The following OMA1 variants were observed in gnomAD, a reference collection of about 807,000 sequenced individuals.
OMA1 encodes the protein OMA1 zinc metallopeptidase.
In OMA1, 38 loss-of-function variants were observed where a neutral mutation model predicts 30.9. The observed-to-expected ratio is 1.23, with a 90% CI of 0.95 to 1.61. The LOEUF (loss-of-function observed/expected upper bound fraction) is 1.61, where lower values mean the gene tolerates loss of function less well. OMA1 is among the 40% of genes most tolerant of loss of function. The pLI is 0.00. For missense variants in OMA1, 461 were observed against 349.2 expected, an observed-to-expected ratio of 1.32 and a Z score of -2.55; for synonymous variants, 173 against 121.9, an observed-to-expected ratio of 1.42 and a Z score of -2.76.
At chr1:58,498,306 C>T (rs1311396272) in intron 8 of OMA1, among the ~76,000 whole-genome samples, 1 of 151,290 alleles carries the variant, frequency 6.6e-6, no homozygotes, top group African/African-American at 2.4e-5. Flanking sequence ...ATTCCTATAA[C>T]TTCACCCTTG....
At chr1:58,526,203 C>T (rs1480771151) in intron 7 of OMA1, among the ~76,000 whole-genome samples, 1 of 152,038 alleles carries the variant, frequency 6.6e-6, no homozygotes, top group Non-Finnish European at 1.5e-5. Flanking sequence ...TCTGTGGCCC[C>T]CTTATGTGGG....
chr1:58,484,581 A>C (rs563364561), intron 8 of OMA1, among the ~76,000 whole-genome samples: 7 of 152,350 alleles, frequency 4.6e-5, no homozygotes, highest in African/African-American at 1.7e-4. Flanking sequence ...TGAGTCTCAG[A>C]GAAGTTAAAT....
Position 58,539,324 on chromosome 1 carries a change from A to C in OMA1, c.-16-14T>G. 1 of 792,758 alleles carries C rather than the reference A, an allele frequency of 1.3e-6. No homozygotes were observed. The highest frequency in any genetic ancestry group is 2.4e-5 in the East Asian group (1 of 41,274). The allele number at this position is 792,758 out of a possible 1,614,324, so 49.1% of individuals were successfully genotyped here. On this transcript the variant is annotated splice_polypyrimidine_tract_variant and intron_variant, in intron 1 of 8. Transcript: ENST00000371226. ...TCACTTGACTACCTGAAACAAAAAA[A>C]AAACTATAAATATCTGTGGAAAATA...
intron 8 of OMA1, among the ~76,000 whole-genome samples, chr1:58,492,808 T>A (rs1264444795): frequency 6.6e-6 from 1 of 152,126 alleles, no homozygotes; most frequent in East Asian, 1.9e-4. Flanking sequence ...CAGGACCAGA[T>A]GGATTCACAG....
At chr1:58,505,618 T>TA (rs958215102) in intron 8 of OMA1, among the ~76,000 whole-genome samples, 17 of 151,916 alleles carry the variant, frequency 1.1e-4, no homozygotes, top group Non-Finnish European at 2.2e-4. Flanking sequence ...TTTTTTTTCC[T>TA]AAAAAAACAA....
intron 1 of OMA1, among the ~76,000 whole-genome samples, chr1:58,540,800 G>C (rs1646594711): frequency 6.7e-6 from 1 of 149,806 alleles, no homozygotes; most frequent in South Asian, 2.1e-4. Flanking sequence ...AAAAAGCGGG[G>C]AGGAGGTGTA....
In OMA1 at chr1:58,485,228, T is replaced by TAAAAAA. The variant is rs71043289; in HGVS notation, c.1366-4060_1366-4055dup. On this transcript the variant is annotated intron_variant, in intron 8 of 8. Coordinates refer to ENST00000371226, the MANE Select transcript of OMA1 (RefSeq NM_145243.5). ...GTCTAAAAATAAAAGAGTCTACTACTAAAAAAAAAAAAAAAAAAAAAAAAA... is the reference window on the plus strand; with the variant it reads ...GTCTAAAAATAAAAGAGTCTACTACTAAAAAAAAAAAAAAAAAAAAAAAAAAAAAAA... Among the ~76,000 whole-genome samples the TAAAAAA allele has an allele frequency of 3.3e-4, 14 of 42,052 alleles. 1 individual carries two copies. The highest frequency in any genetic ancestry group is 1.2e-3 in the East Asian group (1 of 820). The allele number at this position is 42,052 out of a possible 152,430, so 27.6% of individuals were successfully genotyped here.
chr1:58,502,270 T>C (rs1503646), intron 8 of OMA1, among the ~76,000 whole-genome samples: 11,510 of 152,322 alleles, frequency 0.076, 470 homozygotes, highest in Middle Eastern at 0.16. Context: ...CTTGGTTTCC[T>C]ATTTGCTTTC....
chr1:58,484,067 C>T (rs1326991445), intron 8 of OMA1, among the ~76,000 whole-genome samples: 1 of 152,196 alleles, frequency 6.6e-6, no homozygotes, highest in Non-Finnish European at 1.5e-5. Context: ...AAACTCTTCT[C>T]TTATCCTTAA....
chr1:58,489,488 C>T (rs1645637984), intron 8 of OMA1, among the ~76,000 whole-genome samples: 1 of 152,202 alleles, frequency 6.6e-6, no homozygotes, highest in Non-Finnish European at 1.5e-5. Flanking sequence ...AGGAGGCCTG[C>T]CTGCCTGTGT....
chr1:58,515,081 C>T (rs79798671), intron 7 of OMA1, among the ~76,000 whole-genome samples: 2 of 152,200 alleles, frequency 1.3e-5, no homozygotes, highest in South Asian at 2.1e-4. Flanking sequence ...TTCAGTCTCA[C>T]ATACCTCCAC....
chr1:58,481,224 A>T (rs1341204175), intron 8 of OMA1, 50 bp from the exon 9 acceptor site: 4 of 600,798 alleles, frequency 6.7e-6, no homozygotes, highest in African/African-American at 1.9e-5. Flanking sequence ...ACATCAATGT[A>T]TTCAGATTGT....
chr1:58,509,021 C>T (rs1646032304), intron 7 of OMA1, among the ~76,000 whole-genome samples: 1 of 152,130 alleles, frequency 6.6e-6, no homozygotes, highest in Non-Finnish European at 1.5e-5. Context: ...GCACTTTGGA[C>T]TAGCATGAAG....
chr1:58,534,648 C>A (rs1170454046), intron 3 of OMA1, among the ~76,000 whole-genome samples: 1 of 152,140 alleles, frequency 6.6e-6, no homozygotes, highest in Non-Finnish European at 1.5e-5. Context: ...GAAAACACTG[C>A]CTAGGCCAGG....
At chr1:58,483,836 T>C (rs538598282) in intron 8 of OMA1, among the ~76,000 whole-genome samples, 5 of 152,240 alleles carry the variant, frequency 3.3e-5, no homozygotes, top group Non-Finnish European at 7.3e-5. Flanking sequence ...TTAGTTCCTT[T>C]ACAATGATGT....
chr1:58,492,993 T>C (rs548702688), intron 8 of OMA1, among the ~76,000 whole-genome samples: 2,031 of 152,262 alleles, frequency 0.013, 32 homozygotes, highest in African/African-American at 0.045. Flanking sequence ...ATATCCCTGA[T>C]GAACATCAAT....
At chr1:58,538,717 C>A in intron 2 of OMA1, 78 bp downstream of exon 2, 1 of 616,228 alleles carries the variant, frequency 1.6e-6, no homozygotes, top group East Asian at 2.9e-5. Flanking sequence ...AAATTAATTT[C>A]TAAAAGTTAA....
chr1:58,518,339 AGAAGAGAAGAGAAGGGAAGG>A (rs1308260814), intron 7 of OMA1, among the ~76,000 whole-genome samples: 5 of 97,854 alleles, frequency 5.1e-5, no homozygotes, highest in Admixed American at 1.9e-4. Context: ...AGAAGAGAAG[AGAAGAGAAGAGAAGGGAAGG>A]GAAGAGAAGA....
chr1:58,489,148 G>C (rs904474371), intron 8 of OMA1, among the ~76,000 whole-genome samples: 4 of 152,326 alleles, frequency 2.6e-5, no homozygotes, highest in Admixed American at 2.6e-4. Context: ...GCAAGGCATC[G>C]TGTCACCCGG....
Sources: allele counts gnomAD v4.1 joint callset (sites outside exome capture counted in the v4.1 genomes callset), GRCh38; gene constraint gnomAD v4.1.1; transcripts MANE v1.5; gene names NCBI Gene and HGNC (gene_info 2026-07-23, HGNC 2026-07-21).